LYST: variants seen among roughly 807,000 people sequenced by gnomAD.
The protein encoded by LYST is lysosomal-trafficking regulator.
LYST carries 192 observed loss-of-function variants against 413.6 expected under a neutral mutation model. The ratio of observed to expected loss-of-function variants is 0.46; its 90% CI spans 0.41 to 0.52. The LOEUF is 0.52. Ranked by LOEUF, LYST falls within the 20% of genes least tolerant of loss-of-function variation. The pLI is 0.00. For synonymous variants in LYST, 1,525 were observed against 1,567.3 expected, an observed-to-expected ratio of 0.97 and a Z score of 0.64; for missense variants, 3,815 against 4,499.9, an observed-to-expected ratio of 0.85 and a Z score of 4.35.
At chr1:235,858,262 C>T (rs547137791) in intron 1 of LYST, among the ~76,000 whole-genome samples, 280 of 152,314 alleles carry the variant, frequency 1.8e-3, no homozygotes, top group African/African-American at 6.4e-3. Flanking sequence ...GTTACTCAAT[C>T]TCACTGAGCT....
intron 38 of LYST, among the ~76,000 whole-genome samples, 198 bp from the exon 39 acceptor site, chr1:235,724,378 T>G (rs999560864): frequency 5.3e-5 from 8 of 152,208 alleles, no homozygotes; most frequent in Non-Finnish European, 1.2e-4. Flanking sequence ...AAATAGGCTT[T>G]ATTTTTTAGA....
At position 235,808,498 on chromosome 1, in the gene LYST, G is replaced by A. The variant is rs1008766385; in HGVS notation, c.2320C>T (p.Leu774Phe). The stretch of plus-strand genomic sequence containing the variant: ...GGCAGAGTTTTTACATAAATCTGAA[G>A]CACGTCCTGAGGCAAGCACTGGTTA... The part of the protein sequence containing the change: ...HHNQCLPQDV[L>F]QIYVKTLPIL... Residue 774 changes from leucine (L) to phenylalanine (F), a missense_variant, in exon 5 of 53, where the codon CTT becomes TTT. By Grantham distance (22) the Leu-to-Phe change is conservative. Around this residue, in one of 4 missense-constraint regions of LYST, gnomAD observed 1,648 missense variants for 1,810.3 expected, o/e 0.91. Coordinates refer to ENST00000389793, the MANE Select transcript of LYST (RefSeq NM_000081.4). The A allele has an allele frequency of 8.1e-6, 13 of 1,613,044 alleles. No individual in the cohort carries two copies. Among genetic ancestry groups the A allele is most frequent in the Middle Eastern group, 3.3e-4 (2 of 6,082 alleles).
intron 47 of LYST, among the ~76,000 whole-genome samples, chr1:235,691,652 T>C (rs538077111): frequency 2.0e-5 from 3 of 151,610 alleles, no homozygotes; most frequent in African/African-American, 7.3e-5. Context: ...GGGACACAAA[T>C]AGTGGTAGTT....
chr1:235,762,785 C>T lies in LYST; in HGVS notation c.6188G>A (p.Arg2063Lys), dbSNP rs763604337. Residue 2063 changes from arginine (R) to lysine (K), a missense_variant, in exon 22 of 53, where the codon AGG becomes AAG. Coordinates refer to ENST00000389793, the MANE Select transcript of LYST (RefSeq NM_000081.4). Reference sequence around the variant, plus strand: ...CATAAATCCAGGGCTCATAAGGGACCTTCCTCCACTGCTGGAATGCCTCAG... The same window carrying T: ...CATAAATCCAGGGCTCATAAGGGACTTTCCTCCACTGCTGGAATGCCTCAG... ...MYLRHSSSGG[R>K]SLMSPGFMVI... The T allele has an allele frequency of 1.8e-5, 29 of 1,612,810 alleles. No homozygotes were observed. Among genetic ancestry groups the T allele is most frequent in the Non-Finnish European group, 1.7e-6 (2 of 1,179,026 alleles).
At chr1:235,881,631 G>A (rs891242049) in intron 1 of LYST, among the ~76,000 whole-genome samples, 3 of 152,168 alleles carry the variant, frequency 2.0e-5, no homozygotes, top group Admixed American at 1.3e-4. Flanking sequence ...CTGTGTGTGT[G>A]TATATATATT....
chr1:235,865,681 T>C (rs1405979606), intron 1 of LYST, among the ~76,000 whole-genome samples: 5 of 152,328 alleles, frequency 3.3e-5, no homozygotes, highest in Admixed American at 6.5e-5. Context: ...TTAAAACAGA[T>C]ACCCCATATT....
intron 37 of LYST, 65 bp from the exon 38 acceptor site, chr1:235,728,196 T>A: frequency 8.7e-7 from 1 of 1,155,772 alleles, no homozygotes; most frequent in Non-Finnish European, 1.3e-6. Context: ...CATGGTTTAA[T>A]GCATGGTCTC....
intron 20 of LYST, 118 bp downstream of exon 20, chr1:235,770,041 GA>G: frequency 1.2e-6 from 1 of 856,120 alleles, no homozygotes; most frequent in South Asian, 1.5e-5. Flanking sequence ...AATCTGGAGA[GA>G]AGATGGAAAA....
At chr1:235,865,769 AAAT>A (rs1275219098) in intron 1 of LYST, among the ~76,000 whole-genome samples, 4 of 152,232 alleles carry the variant, frequency 2.6e-5, no homozygotes, top group African/African-American at 7.2e-5. Flanking sequence ...TGGAATTTTA[AAAT>A]AATAGCGCAG....
intron 3 of LYST, among the ~76,000 whole-genome samples, chr1:235,823,626 AAAAGC>A (rs1444327091): frequency 6.6e-6 from 1 of 152,258 alleles, no homozygotes; most frequent in African/African-American, 2.4e-5. Flanking sequence ...CCGTTTTACC[AAAAGC>A]AAAGCAAAGT....
chr1:235,877,765 C>T (rs562749301), intron 1 of LYST, among the ~76,000 whole-genome samples: 14 of 149,820 alleles, frequency 9.3e-5, no homozygotes, highest in Admixed American at 6.8e-4. Context: ...ACAATTGCAT[C>T]GCTTAGCAGT....
At chr1:235,779,641 A>T (rs1363939683) in intron 16 of LYST, among the ~76,000 whole-genome samples, 1 of 152,190 alleles carries the variant, frequency 6.6e-6, no homozygotes, top group Admixed American at 6.5e-5. Flanking sequence ...ATTTCCCTAA[A>T]GGATGTTTTC....
chr1:235,703,035 A>T, intron 44 of LYST, 58 bp from the exon 45 acceptor site: 1 of 1,217,772 alleles, frequency 8.2e-7, no homozygotes, highest in South Asian at 1.2e-5. Context: ...AGACTTGACA[A>T]TAATACCAAA....
intron 1 of LYST, among the ~76,000 whole-genome samples, chr1:235,863,637 A>T (rs183589546): frequency 2.6e-5 from 4 of 152,228 alleles, no homozygotes; most frequent in African/African-American, 9.6e-5. Flanking sequence ...GTGCAATCAA[A>T]CAAAAATAAA....
At chr1:235,856,327 T>C (rs1012459812) in intron 1 of LYST, among the ~76,000 whole-genome samples, 1 of 152,200 alleles carries the variant, frequency 6.6e-6, no homozygotes, top group African/African-American at 2.4e-5. Flanking sequence ...GTTGGTAGTA[T>C]AACAGAAAGA....
rs1352527319 is a variant in LYST at position 235,793,494 on chromosome 1, C to A, written c.4116+9G>T. 1 of 1,226,220 alleles carries A rather than the reference C, an allele frequency of 8.2e-7. No homozygotes were observed. Among genetic ancestry groups the A allele is most frequent in the Non-Finnish European group, 1.2e-6 (1 of 838,778 alleles). 76.0% of individuals were successfully genotyped at this position (1,226,220 alleles called of 1,614,324 possible). On this transcript the variant is annotated intron_variant, in intron 11 of 52. Transcript: ENST00000389793. ...TCAGTGAAAAATGTAAAAATTATAG[C>A]ATATTTACTGTACAAGGAGATTTCT...
chr1:235,768,670 T>C (rs1383424544), intron 20 of LYST, among the ~76,000 whole-genome samples: 1 of 152,062 alleles, frequency 6.6e-6, no homozygotes, highest in Non-Finnish European at 1.5e-5. Flanking sequence ...TGAAAAAATA[T>C]ATGGAAATCT....
In LYST at chr1:235,809,115, C is replaced by T. The variant is rs758522204; in HGVS notation, c.1703G>A (p.Ser568Asn). ...LRLLQQASLS[S>N]TCVQILSGVH... ...ACCCGATAGGATCTGGACACAAGTG[C>T]TGCTCAAGGAAGCCTGCTGTAGTAA... The change falls in exon 5 of 53, where the codon AGC becomes AAC. Residue 568 changes from serine (S) to asparagine (N), a missense_variant. By Grantham distance (46) the Ser-to-Asn change is conservative. This residue lies in a region of LYST where 1,648 missense variants were observed against 1,810.3 expected (regional missense o/e 0.91). Transcript: ENST00000389793. The surrounding 1 kb of genome is among the most constrained non-coding windows in gnomAD (Gnocchi z 4.0). 1.2e-6 allele frequency: 2 copies of T among 1,614,094 alleles called. No individual in the cohort carries two copies. The highest frequency in any genetic ancestry group is 8.5e-7 in the Non-Finnish European group (1 of 1,179,970).
At chr1:235,737,793 C>T (rs116613302) in intron 31 of LYST, 9,477 of 461,674 alleles carry the variant, frequency 0.021, 137 homozygotes, top group Non-Finnish European at 0.024. Flanking sequence ...GAATTAGAGG[C>T]TACTAGGGGC....
Sources: allele counts gnomAD v4.1 joint callset (sites outside exome capture counted in the v4.1 genomes callset), GRCh38; gene constraint gnomAD v4.1.1; regional missense constraint gnomAD v4.1.1; non-coding constraint Gnocchi (gnomAD v3.1); transcripts MANE v1.5; gene names NCBI Gene and HGNC (gene_info 2026-07-23, HGNC 2026-07-21).